RBPJ: variants seen among roughly 807,000 people sequenced by gnomAD.
The protein encoded by RBPJ is recombination signal binding protein for immunoglobulin kappa J region, also known as recombining binding protein suppressor of hairless.
A neutral mutation model predicts 67.8 loss-of-function variants in RBPJ; 9 were observed. That is an observed-to-expected ratio of 0.13 (90% CI 0.08 to 0.23). The LOEUF (loss-of-function observed/expected upper bound fraction) is 0.23, where lower values mean the gene tolerates loss of function less well. Ranked by LOEUF, RBPJ falls within the 10% of genes least tolerant of loss-of-function variation. The probability of loss-of-function intolerance (pLI) is 1.00; values close to 1 mark genes in which losing one functional copy is unlikely to be tolerated. For synonymous variants in RBPJ, 198 were observed against 203.3 expected (o/e 0.97, Z 0.22); for missense variants, 305 against 595.6 (o/e 0.51, Z 5.08).
chr4:26,143,045 G>C, the RBPJ span, among the ~76,000 whole-genome samples: 1 of 152,220 alleles, frequency 6.6e-6, no homozygotes, highest in Non-Finnish European at 1.5e-5. Flanking sequence ...GCCTCCCAAA[G>C]TGCTGGGATT....
At chr4:26,395,294 TA>T (rs1216752272) in intron 2 of RBPJ, among the ~76,000 whole-genome samples, 2 of 151,874 alleles carry the variant, frequency 1.3e-5, no homozygotes, top group Admixed American at 1.3e-4. Flanking sequence ...TAAAAAAAAT[TA>T]AAGAATTAGC....
chr4:26,236,820 C>T (rs1444487861), intron 1 of RBPJ, among the ~76,000 whole-genome samples: 1 of 152,146 alleles, frequency 6.6e-6, no homozygotes, highest in African/African-American at 2.4e-5. Context: ...ATGTTAAGCC[C>T]CGTACATTGT....
intron 1 of RBPJ, among the ~76,000 whole-genome samples, chr4:26,284,685 T>G (rs574950922): frequency 6.6e-6 from 1 of 151,988 alleles, no homozygotes; most frequent in South Asian, 2.1e-4. Context: ...GCCAGGCTGG[T>G]CTCCAACTCC....
intron 1 of RBPJ, among the ~76,000 whole-genome samples, chr4:26,244,840 G>T (rs955999866): frequency 1.3e-5 from 2 of 151,994 alleles, no homozygotes; most frequent in African/African-American, 2.4e-5. Context: ...TGACATGTTG[G>T]CCAGGCTGAT....
At chr4:26,263,407 G>A (rs1257358600) in intron 1 of RBPJ, among the ~76,000 whole-genome samples, 2 of 148,456 alleles carry the variant, frequency 1.3e-5, no homozygotes, top group Admixed American at 7.0e-5. Flanking sequence ...TCTGGGAAAT[G>A]TAGTGCAGCT....
intron 1 of RBPJ, among the ~76,000 whole-genome samples, chr4:26,237,076 G>C (rs774557089): frequency 4.6e-5 from 7 of 152,154 alleles, no homozygotes; most frequent in Non-Finnish European, 1.0e-4. Flanking sequence ...TGAAGCAAAT[G>C]ACATCTGGGT....
At chr4:26,330,768 C>CA (rs1018706971) in intron 1 of RBPJ, among the ~76,000 whole-genome samples, 1 of 152,136 alleles carries the variant, frequency 6.6e-6, no homozygotes, top group Admixed American at 6.5e-5. Context: ...ATTTGTTTCT[C>CA]AGAGGATTTG....
intron 1 of RBPJ, among the ~76,000 whole-genome samples, chr4:26,242,354 G>A (rs866209745): frequency 2.6e-5 from 4 of 151,852 alleles, no homozygotes; most frequent in Non-Finnish European, 1.5e-5. Flanking sequence ...AGGCTGAGGC[G>A]GAGAATGGCG....
chr4:26,305,608 A>G (rs1355962909), intron 1 of RBPJ, among the ~76,000 whole-genome samples: 1 of 151,982 alleles, frequency 6.6e-6, no homozygotes, highest in Non-Finnish European at 1.5e-5. Flanking sequence ...TACTCATGCT[A>G]TTGGAAATGG....
chr4:26,361,175 G>A (rs1728026967), intron 1 of RBPJ, among the ~76,000 whole-genome samples: 1 of 151,876 alleles, frequency 6.6e-6, no homozygotes, highest in Non-Finnish European at 1.5e-5. Context: ...AAAGACGGTT[G>A]TGGCTACAGG....
chr4:26,404,593 A>G (rs1025535820), intron 2 of RBPJ, among the ~76,000 whole-genome samples: 1 of 152,210 alleles, frequency 6.6e-6, no homozygotes, highest in Non-Finnish European at 1.5e-5. Context: ...TGGGCATGAC[A>G]ATCAAAATGG....
intron 1 of RBPJ, among the ~76,000 whole-genome samples, chr4:26,311,586 T>C (rs1722429001): frequency 6.6e-6 from 1 of 152,110 alleles, no homozygotes; most frequent in East Asian, 1.9e-4. Context: ...CAGCAAACTG[T>C]AATGTCCGCC....
chr4:26,252,531 A>C (rs1488617619), intron 1 of RBPJ, among the ~76,000 whole-genome samples: 1 of 152,186 alleles, frequency 6.6e-6, no homozygotes, highest in Non-Finnish European at 1.5e-5. Flanking sequence ...GGGTGCAGAG[A>C]GCCAGGATTG....
chr4:26,309,279 A>G (rs544860591), intron 1 of RBPJ, among the ~76,000 whole-genome samples: 3 of 152,326 alleles, frequency 2.0e-5, no homozygotes, highest in Admixed American at 2.0e-4. Context: ...GGCCTCCCAA[A>G]GAGCTGGGAT....
At chr4:26,255,757 G>A (rs564809476) in intron 1 of RBPJ, among the ~76,000 whole-genome samples, 122 of 149,576 alleles carry the variant, frequency 8.2e-4, no homozygotes, top group Non-Finnish European at 1.3e-3. Flanking sequence ...AGCCGAGATC[G>A]TGCCACTGCA....
chr4:26,145,885 G>A, the RBPJ span, among the ~76,000 whole-genome samples: 3 of 152,144 alleles, frequency 2.0e-5, no homozygotes, highest in Non-Finnish European at 4.4e-5. Context: ...TAGATCAATG[G>A]AACAGACTTG....
intron 1 of RBPJ, among the ~76,000 whole-genome samples, chr4:26,227,139 G>A (rs1282442529): frequency 6.6e-6 from 1 of 152,200 alleles, no homozygotes; most frequent in African/African-American, 2.4e-5. Context: ...CTGAGGGTTG[G>A]ATCCAGCATG....
chr4:26,319,458 C>G (rs984720820), upstream of RBPJ, among the ~76,000 whole-genome samples: 5 of 150,420 alleles, frequency 3.3e-5, no homozygotes, highest in Admixed American at 3.3e-4. Context: ...CCGCGGCAAG[C>G]CGCTCCCTTC....
At chr4:26,164,101 A>T (rs4692080) in intron 1 of RBPJ, among the ~76,000 whole-genome samples, 48,509 of 147,680 alleles carry the variant, frequency 0.33, 9,079 homozygotes, top group East Asian at 0.51. Flanking sequence ...GGTAGGTGAT[A>T]CTGATCACGT....
Sources: gnomAD v4.1 joint callset for allele counts (sites outside exome capture counted in the v4.1 genomes callset) on GRCh38, gnomAD v4.1.1 for gene constraint, MANE v1.5 for transcripts, NCBI Gene and HGNC (gene_info 2026-07-23, HGNC 2026-07-21) for gene names.